The following TAMM41 variants were observed in gnomAD, a reference collection of about 807,000 sequenced individuals.
TAMM41 encodes the protein TAM41 mitochondrial translocator assembly and maintenance homolog.
Under a neutral mutation model 44.1 loss-of-function variants are expected in TAMM41, and 36 were observed. That is an observed-to-expected ratio of 0.82 (90% CI 0.63 to 1.08). The LOEUF is 1.08. Ranked by LOEUF, TAMM41 falls within the 50% of genes least tolerant of loss-of-function variation. The probability of loss-of-function intolerance (pLI) is 0.00; values close to 1 mark genes in which losing one functional copy is unlikely to be tolerated. For synonymous variants in TAMM41, 164 were observed against 153.1 expected (o/e 1.07, Z -0.53); for missense variants, 417 against 404.3 (o/e 1.03, Z -0.27).
intron 4 of TAMM41, among the ~76,000 whole-genome samples, chr3:11,820,628 A>G (rs2078477665): frequency 6.6e-6 from 1 of 152,234 alleles, no homozygotes; most frequent in South Asian, 2.1e-4. Context: ...GGGGATAGGA[A>G]GCAAATGGGC....
intron 7 of TAMM41, among the ~76,000 whole-genome samples, chr3:11,791,974 G>C (rs577001203): frequency 6.6e-6 from 1 of 152,152 alleles, no homozygotes; most frequent in South Asian, 2.1e-4. Context: ...TAAAATTCCA[G>C]CCAGAACCAA....
chr3:11,842,394 CAAAA>C (rs35950192), intron 2 of TAMM41, among the ~76,000 whole-genome samples: 24 of 108,226 alleles, frequency 2.2e-4, no homozygotes, highest in African/African-American at 3.7e-4. Context: ...AACTCCATCT[CAAAA>C]AAAAAAAAAA....
At chr3:11,825,154 C>G (rs999010758) in intron 4 of TAMM41, among the ~76,000 whole-genome samples, 1 of 152,156 alleles carries the variant, frequency 6.6e-6, no homozygotes, top group African/African-American at 2.4e-5. Flanking sequence ...TGACCCAGGG[C>G]AAGCCACTTA....
the TAMM41 span, among the ~76,000 whole-genome samples, chr3:11,747,881 A>ATTTTTTT: frequency 1.5e-5 from 2 of 133,364 alleles, no homozygotes; most frequent in South Asian, 2.3e-4. Flanking sequence ...TTATTTATTT[A>ATTTTTTT]TTTTTTTTTT....
the TAMM41 span, among the ~76,000 whole-genome samples, chr3:11,779,053 A>G: frequency 1.3e-5 from 2 of 152,100 alleles, no homozygotes; most frequent in East Asian, 3.9e-4. Flanking sequence ...CAGGTCCCTA[A>G]TGAATAGATT....
At chr3:11,738,523 A>G in the TAMM41 span, among the ~76,000 whole-genome samples, 18 of 152,276 alleles carry the variant, frequency 1.2e-4, no homozygotes, top group South Asian at 3.5e-3. Flanking sequence ...GGCCACAGAG[A>G]CAGCGCTGGA....
At chr3:11,726,045 A>T in the TAMM41 span, among the ~76,000 whole-genome samples, 1 of 152,198 alleles carries the variant, frequency 6.6e-6, no homozygotes, top group Non-Finnish European at 1.5e-5. Flanking sequence ...CTCCCATGTC[A>T]TACTTCTAAG....
At chr3:11,846,356 A>G in intron 1 of TAMM41, 146 bp downstream of exon 1, 1 of 953,086 alleles carries the variant, frequency 1.0e-6, no homozygotes, top group Admixed American at 2.3e-5. Flanking sequence ...TCGTTATACT[A>G]GGAAGGCAGG....
the TAMM41 span, among the ~76,000 whole-genome samples, chr3:11,747,721 G>A: frequency 6.6e-6 from 1 of 151,742 alleles, no homozygotes; most frequent in African/African-American, 2.4e-5. Context: ...TGCTATTATT[G>A]TGCCACTGTA....
the TAMM41 span, among the ~76,000 whole-genome samples, chr3:11,750,953 GCTGGATAATGT>G: frequency 6.7e-6 from 1 of 149,756 alleles, no homozygotes; most frequent in Admixed American, 6.7e-5. Flanking sequence ...GCAGTGCCAG[GCTGGATAATGT>G]CTAGCCTGGA....
At position 11,828,791 on chromosome 3, in the gene TAMM41, G is replaced by A. The variant is rs116722066; in HGVS notation, c.562+923C>T. 5.3e-3 allele frequency among the ~76,000 whole-genome samples: 812 copies of A among 152,258 alleles called. 4 individuals are homozygous for A. The highest frequency in any genetic ancestry group is 0.019 in the African/African-American group (772 of 41,550). ...GAAGATGGAAGAACAAAACCTCTAA[G>A]GTCTCTTACAGCATTAAATTTCCAT... is the stretch of plus-strand genomic sequence containing the variant. On this transcript the variant is annotated intron_variant, in intron 4 of 7. Coordinates refer to ENST00000455809, the MANE Select transcript of TAMM41 (RefSeq NM_001284401.2).
chr3:11,744,686 C>A, the TAMM41 span, among the ~76,000 whole-genome samples: 7 of 151,532 alleles, frequency 4.6e-5, no homozygotes, highest in Admixed American at 1.3e-4. Flanking sequence ...CAGAGCAAGA[C>A]TTTGTCTCAG....
At chr3:11,807,750 A>C in intron 7 of TAMM41, 83 bp downstream of exon 7, 1 of 1,536,128 alleles carries the variant, frequency 6.5e-7, no homozygotes, top group Non-Finnish European at 8.7e-7. Context: ...CACCTAAAAG[A>C]TACAAAGCTT....
At chr3:11,788,845 G>A (rs2077432849), downstream of TAMM41, among the ~76,000 whole-genome samples, 3 of 152,044 alleles carry the variant, frequency 2.0e-5, no homozygotes, top group Admixed American at 6.5e-5. Flanking sequence ...GCTGAAGCAG[G>A]AGAATTGCTT....
At chr3:11,791,998 C>G (rs2077490545) in intron 7 of TAMM41, among the ~76,000 whole-genome samples, 1 of 152,116 alleles carries the variant, frequency 6.6e-6, no homozygotes, top group African/African-American at 2.4e-5. Flanking sequence ...AAAGACCAAG[C>G]CGAATACAGG....
the TAMM41 span, among the ~76,000 whole-genome samples, chr3:11,729,543 T>C: frequency 2.9e-5 from 1 of 34,316 alleles, no homozygotes; most frequent in African/African-American, 2.0e-4. Flanking sequence ...TCTTTCATTT[T>C]TTTTTTTTTT....
chr3:11,818,738 A>G (rs1043303186), intron 4 of TAMM41, among the ~76,000 whole-genome samples: 7 of 152,024 alleles, frequency 4.6e-5, no homozygotes, highest in Non-Finnish European at 8.8e-5. Flanking sequence ...CTACTAAAAA[A>G]TACAAAAAAA....
At chr3:11,821,444 T>A (rs1169643367) in intron 4 of TAMM41, among the ~76,000 whole-genome samples, 1 of 152,152 alleles carries the variant, frequency 6.6e-6, no homozygotes, top group Non-Finnish European at 1.5e-5. Flanking sequence ...TGCGCTCCTA[T>A]AAGAATCCAA....
At chr3:11,752,420 A>G in the TAMM41 span, among the ~76,000 whole-genome samples, 85,520 of 151,582 alleles carry the variant, frequency 0.56, 24,236 homozygotes, top group African/African-American at 0.63. Flanking sequence ...CATCCTGCTG[A>G]TTGGTCCATT....
Sources: allele counts gnomAD v4.1 joint callset (sites outside exome capture counted in the v4.1 genomes callset), GRCh38; gene constraint gnomAD v4.1.1; transcripts MANE v1.5; gene names NCBI Gene and HGNC (gene_info 2026-07-23, HGNC 2026-07-21).